Variants in NSD1 observed in about 807,000 individuals in gnomAD.
The protein encoded by NSD1 is histone-lysine N-methyltransferase, H3 lysine-36 specific.
NSD1 carries 26 observed loss-of-function variants against 242.7 expected under a neutral mutation model. That is an observed-to-expected ratio of 0.11 (90% CI 0.08 to 0.15). NSD1 has a LOEUF of 0.15. Among genes scored for constraint, NSD1 ranks in the 10% least tolerant of loss-of-function variants. The probability of loss-of-function intolerance (pLI) is 1.00; values close to 1 mark genes in which losing one functional copy is unlikely to be tolerated. For missense variants in NSD1, 2,495 were observed against 3,272.8 expected, an observed-to-expected ratio of 0.76 and a Z score of 5.80; for synonymous variants, 1,106 against 1,178.1, an observed-to-expected ratio of 0.94 and a Z score of 1.25.
chr5:177,276,378 G>A (rs1758383935), intron 17 of NSD1, among the ~76,000 whole-genome samples: 1 of 150,808 alleles, frequency 6.6e-6, no homozygotes, highest in African/African-American at 2.4e-5. Flanking sequence ...AGGCTGGGGT[G>A]CAGTGGCGTG....
At chr5:177,254,406 T>C (rs1183745699) in intron 12 of NSD1, among the ~76,000 whole-genome samples, 2 of 152,132 alleles carry the variant, frequency 1.3e-5, no homozygotes, top group Non-Finnish European at 2.9e-5. Flanking sequence ...TTGTTTTTTT[T>C]CTTTTTAATC....
Position 177,295,070 on chromosome 5 carries a change from G to T in NSD1, c.7702G>T (p.Gly2568Trp). ...TTCTGCAGGGGCTGAGCAGACCCCA[G>T]GGCCTCTTAGCCAATCCCCGGGCCT... ...RASAGAEQTP[G>W]PLSQSPGLVK... The change falls in exon 23 of 23, where the codon GGG becomes TGG. Residue 2568 changes from glycine (G) to tryptophan (W), a missense_variant. Around this residue, in one of 19 missense-constraint regions of NSD1, gnomAD observed 475 missense variants for 563.7 expected, o/e 0.84. Coordinates refer to ENST00000439151, the MANE Select transcript of NSD1 (RefSeq NM_022455.5). This position sits in a 1 kb window ranked among gnomAD's most constrained non-coding sequence, Gnocchi z 4.3. The T allele has an allele frequency of 6.2e-7, 1 of 1,612,512 alleles. No individual in the cohort carries two copies.
chr5:177,211,761 A>G lies in NSD1; in HGVS notation c.3362A>G (p.Lys1121Arg). ...DSKVKQSDPG[K>R]ISEKGLSFEN... ...AAGGTTAAGCAATCTGATCCTGGTAAAATTTCTGAAAAAGGACTCTCTTTT... is the reference window on the plus strand; with the variant it reads ...AAGGTTAAGCAATCTGATCCTGGTAGAATTTCTGAAAAAGGACTCTCTTTT... The change falls in exon 5 of 23, where the codon AAA becomes AGA. Residue 1121 changes from lysine (K) to arginine (R), a missense_variant. This residue lies in a region of NSD1 where 426 missense variants were observed against 411.4 expected (regional missense o/e 1.04). Transcript: ENST00000439151. 5.6e-6 allele frequency: 9 copies of G among 1,614,122 alleles called. No individual in the cohort carries two copies. The highest frequency in any genetic ancestry group is 6.8e-6 in the Non-Finnish European group (8 of 1,180,030).
chr5:177,197,219 G>A (rs1432392685), intron 3 of NSD1, among the ~76,000 whole-genome samples: 2 of 151,298 alleles, frequency 1.3e-5, no homozygotes, highest in African/African-American at 2.4e-5. Context: ...GCAATGAGCC[G>A]AGATCATACC....
In NSD1 at chr5:177,267,469, GAGAA is replaced by G. The variant is rs1474414219; in HGVS notation, c.5147-87_5147-84del. The G allele has an allele frequency of 3.7e-6, 4 of 1,070,098 alleles. No individual in the cohort carries two copies. In the East Asian group the frequency reaches 9.7e-5, roughly 26 times the overall value. The allele number at this position is 1,070,098 out of a possible 1,614,324, so 66.3% of individuals were successfully genotyped here. ...TTTATTTAGTATATCTTTTAGTGAA[GAGAA>G]AGAAAATATATATATATATGTGTAT... On this transcript the variant is annotated intron_variant, in intron 14 of 22. Coordinates refer to ENST00000439151, the MANE Select transcript of NSD1 (RefSeq NM_022455.5).
At chr5:177,251,005 C>T (rs11135013) in intron 11 of NSD1, among the ~76,000 whole-genome samples, 3,496 of 152,192 alleles carry the variant, frequency 0.023, 54 homozygotes, top group South Asian at 0.054. Flanking sequence ...GCCTGGCCAA[C>T]GTGGTGAAAC....
At chr5:177,191,777 A>G (rs1308468056) in intron 2 of NSD1, 107 bp from the exon 3 acceptor site, 2 of 1,164,022 alleles carry the variant, frequency 1.7e-6, no homozygotes, top group Non-Finnish European at 2.5e-6. Context: ...GAGTGTTTTC[A>G]TTCTCAATTT....
intron 3 of NSD1, among the ~76,000 whole-genome samples, chr5:177,193,697 ACT>A (rs1490758891): frequency 6.6e-6 from 1 of 151,982 alleles, no homozygotes; most frequent in Admixed American, 6.6e-5. Context: ...AAATCAGCTT[ACT>A]CTCTGCTTTG....
At chr5:177,285,335 G>A (rs897326471) in intron 20 of NSD1, among the ~76,000 whole-genome samples, 1 of 151,886 alleles carries the variant, frequency 6.6e-6, no homozygotes, top group East Asian at 1.9e-4. Context: ...AGGCCAACAC[G>A]GGCAGATCAC....
At chr5:177,179,224 G>A (rs1027951412) in intron 2 of NSD1, among the ~76,000 whole-genome samples, 2 of 151,604 alleles carry the variant, frequency 1.3e-5, no homozygotes, top group African/African-American at 2.4e-5. Flanking sequence ...TGTTTGTTTT[G>A]TTTTTTTTGA....
intron 2 of NSD1, among the ~76,000 whole-genome samples, chr5:177,176,587 A>T (rs72813153): frequency 0.12 from 18,255 of 151,942 alleles, 1,604 homozygotes; most frequent in East Asian, 0.29. Flanking sequence ...ACACACCACC[A>T]CACCCGACCC....
chr5:177,175,791 T>G (rs1373083011), intron 2 of NSD1, among the ~76,000 whole-genome samples: 1 of 152,138 alleles, frequency 6.6e-6, no homozygotes, highest in Non-Finnish European at 1.5e-5. Context: ...AATAAAATAC[T>G]CTCCAGATGG....
rs774169673 is a variant in NSD1 at position 177,257,043 on chromosome 5, G to A, written c.4858G>A (p.Val1620Ile). The change falls in exon 13 of 23, where the codon GTC (valine) becomes ATC (isoleucine). Residue 1620 changes from valine (V) to isoleucine (I), a missense_variant. Around this residue, in one of 19 missense-constraint regions of NSD1, gnomAD observed 32 missense variants for 46.9 expected, o/e 0.68. Coordinates refer to ENST00000439151, the MANE Select transcript of NSD1 (RefSeq NM_022455.5). ...TGGAAAGTTTTACCATGAAGAGTGT[G>A]TCCAGAAGTACCCACCCACTGTTAT... Reference protein sequence around the residue: ...LCGKFYHEECVQKYPPTVMQN... With the variant: ...LCGKFYHEECIQKYPPTVMQN... The A allele has an allele frequency of 2.4e-5, 38 of 1,613,820 alleles. No individual in the cohort carries two copies. The highest frequency in any genetic ancestry group is 1.7e-4 in the Admixed American group (10 of 59,994).
Position 177,238,186 on chromosome 5 carries a change from A to T in NSD1, c.3922-51A>T. On this transcript the variant is annotated intron_variant, in intron 6 of 22. Transcript: ENST00000439151. The surrounding 1 kb of genome is among the most constrained non-coding windows in gnomAD (Gnocchi z 4.6). ...AAGTGTGTTATTCTTTTTGACACTTAAATTACAACAATTTTGGCCTGTGGA... is the reference window on the plus strand; with the variant it reads ...AAGTGTGTTATTCTTTTTGACACTTTAATTACAACAATTTTGGCCTGTGGA... 1 of 1,603,030 alleles carries T rather than the reference A, an allele frequency of 6.2e-7. No individual in the cohort carries two copies.
rs530184375 is a variant in NSD1, at chr5:177,235,377, T to A, written c.3797-444T>A. 3.9e-5 allele frequency among the ~76,000 whole-genome samples: 6 copies of A among 152,332 alleles called. No individual in the cohort carries two copies. In the South Asian group the frequency reaches 1.2e-3, roughly 32 times the overall value. ...AACTTATTATATATATATGCAAATA[T>A]TACAAAATATGAAAAATTCTAAATC... is the stretch of plus-strand genomic sequence containing the variant. On this transcript the variant is annotated intron_variant, in intron 5 of 22. Transcript: ENST00000439151.
At chr5:177,209,039 A>G (rs1763120881) in intron 4 of NSD1, among the ~76,000 whole-genome samples, 1 of 151,994 alleles carries the variant, frequency 6.6e-6, no homozygotes, top group Non-Finnish European at 1.5e-5. Flanking sequence ...GTTTTAGTCT[A>G]TATTCTGCTT....
chr5:177,138,909 G>C (rs562517878), intron 2 of NSD1, among the ~76,000 whole-genome samples: 2 of 150,512 alleles, frequency 1.3e-5, no homozygotes, highest in Non-Finnish European at 3.0e-5. Context: ...AAAGTGCTGG[G>C]ATTACAGGTG....
intron 5 of NSD1, among the ~76,000 whole-genome samples, chr5:177,217,304 T>C (rs1210740609): frequency 1.3e-5 from 2 of 152,180 alleles, no homozygotes; most frequent in Non-Finnish European, 2.9e-5. Flanking sequence ...ATATTGTTCA[T>C]TATGAGTATA....
At chr5:177,241,014 G>A (rs972651243) in intron 8 of NSD1, among the ~76,000 whole-genome samples, 10 of 152,138 alleles carry the variant, frequency 6.6e-5, no homozygotes, top group African/African-American at 9.7e-5. Flanking sequence ...GCAAGACCCT[G>A]TCTCAGTCAA....
Sources: allele counts gnomAD v4.1 joint callset (sites outside exome capture counted in the v4.1 genomes callset), GRCh38; gene constraint gnomAD v4.1.1; regional missense constraint gnomAD v4.1.1; non-coding constraint Gnocchi (gnomAD v3.1); transcripts MANE v1.5; gene names NCBI Gene and HGNC (gene_info 2026-07-23, HGNC 2026-07-21).